The following PDGFD variants were observed in gnomAD, a reference collection of about 807,000 sequenced individuals.
PDGFD encodes the protein platelet-derived growth factor D.
In PDGFD, 30 loss-of-function variants were observed where a neutral mutation model predicts 44.7. The observed-to-expected ratio is 0.67, with a 90% CI of 0.50 to 0.91. PDGFD has a LOEUF of 0.91. Among genes scored for constraint, PDGFD ranks in the 40% least tolerant of loss-of-function variants. PDGFD has a pLI of 0.00. For synonymous variants in PDGFD, 173 were observed against 168.4 expected, an observed-to-expected ratio of 1.03 and a Z score of -0.21; for missense variants, 445 against 457.8, an observed-to-expected ratio of 0.97 and a Z score of 0.25.
intron 1 of PDGFD, among the ~76,000 whole-genome samples, chr11:104,089,060 T>A (rs1237581901): frequency 6.6e-6 from 1 of 152,312 alleles, no homozygotes; most frequent in African/African-American, 2.4e-5. Context: ...GATAAACATA[T>A]GAATCGTAAG....
intron 1 of PDGFD, among the ~76,000 whole-genome samples, chr11:104,141,057 C>T (rs1488428405): frequency 6.6e-6 from 1 of 152,190 alleles, no homozygotes; most frequent in Admixed American, 6.5e-5. Context: ...CTCTCTTCTT[C>T]TCCAAACACA....
chr11:103,919,502 CTTTTTTTTTTTT>C (rs71037206), intron 6 of PDGFD, among the ~76,000 whole-genome samples: 1 of 88,764 alleles, frequency 1.1e-5, no homozygotes. Context: ...AAGATTCTTC[CTTTTTTTTTTTT>C]TTTTTTTTTT....
At chr11:104,024,407 A>G (rs1860010285) in intron 1 of PDGFD, among the ~76,000 whole-genome samples, 1 of 152,188 alleles carries the variant, frequency 6.6e-6, no homozygotes, top group Admixed American at 6.6e-5. Flanking sequence ...CATATAAATA[A>G]CTGATACTTA....
chr11:104,009,873 A>C (rs1438391735), intron 1 of PDGFD, among the ~76,000 whole-genome samples: 1 of 152,150 alleles, frequency 6.6e-6, no homozygotes, highest in Non-Finnish European at 1.5e-5. Flanking sequence ...AACGCACTGA[A>C]GCTTGCAATC....
chr11:104,156,233 G>A (rs1417963666), intron 1 of PDGFD, among the ~76,000 whole-genome samples: 7 of 152,142 alleles, frequency 4.6e-5, no homozygotes, highest in Non-Finnish European at 7.4e-5. Context: ...TGTGCCTGCC[G>A]TCCCAGCTAC....
At chr11:103,970,487 A>C (rs1212982268) in intron 3 of PDGFD, among the ~76,000 whole-genome samples, 1 of 152,174 alleles carries the variant, frequency 6.6e-6, no homozygotes, top group Non-Finnish European at 1.5e-5. Context: ...GGATCTGTCC[A>C]GTGCATTGAT....
At chr11:104,132,487 T>A (rs935282330) in intron 1 of PDGFD, among the ~76,000 whole-genome samples, 4 of 152,032 alleles carry the variant, frequency 2.6e-5, no homozygotes, top group African/African-American at 9.7e-5. Flanking sequence ...CCTCTTTAAG[T>A]GGGGGCTCTT....
chr11:104,066,039 T>C (rs1031490588), intron 1 of PDGFD, among the ~76,000 whole-genome samples: 5 of 152,194 alleles, frequency 3.3e-5, no homozygotes, highest in South Asian at 4.1e-4. Flanking sequence ...GTGTCATATA[T>C]ACAAATTGTC....
At chr11:104,122,133 C>T (rs934663640) in intron 1 of PDGFD, among the ~76,000 whole-genome samples, 3 of 151,954 alleles carry the variant, frequency 2.0e-5, no homozygotes, top group Admixed American at 1.3e-4. Flanking sequence ...AAAGAGCAGC[C>T]TGAAAAATCA....
chr11:104,077,725 G>GA (rs138656891), intron 1 of PDGFD, among the ~76,000 whole-genome samples: 140 of 149,832 alleles, frequency 9.3e-4, no homozygotes, highest in Middle Eastern at 3.4e-3. Context: ...GCATAGCACA[G>GA]AAAAAAAAAA....
chr11:103,947,733 C>A lies in PDGFD; in HGVS notation c.511-9G>T. The A allele has an allele frequency of 1.9e-6, 3 of 1,609,990 alleles. No homozygotes were observed. The highest frequency in any genetic ancestry group is 2.6e-6 in the Non-Finnish European group (3 of 1,176,452). On this transcript the variant is annotated splice_polypyrimidine_tract_variant and intron_variant, in intron 3 of 6. Transcript: ENST00000393158. ...GCGGGTTGGAAATCTTCCTGGAAGG[C>A]AAAGAAACATCTGTGAGTCAGTCAA...
At chr11:104,147,356 T>C (rs927490158) in intron 1 of PDGFD, among the ~76,000 whole-genome samples, 5 of 152,146 alleles carry the variant, frequency 3.3e-5, no homozygotes, top group African/African-American at 1.2e-4. Context: ...CACAATCCAA[T>C]AAGGTATTTC....
At chr11:104,100,158 A>G (rs548752670) in intron 1 of PDGFD, among the ~76,000 whole-genome samples, 2 of 152,268 alleles carry the variant, frequency 1.3e-5, no homozygotes, top group Non-Finnish European at 2.9e-5. Flanking sequence ...CCTTTGCCAG[A>G]GGCAGCCCAC....
intron 3 of PDGFD, among the ~76,000 whole-genome samples, chr11:103,961,492 G>C (rs939878096): frequency 6.6e-6 from 1 of 152,108 alleles, no homozygotes; most frequent in African/African-American, 2.4e-5. Flanking sequence ...AAGCAGGCAG[G>C]TGAAGGAGAA....
intron 1 of PDGFD, among the ~76,000 whole-genome samples, chr11:104,075,493 A>T (rs1369151210): frequency 6.6e-6 from 1 of 151,676 alleles, no homozygotes; most frequent in Non-Finnish European, 1.5e-5. Context: ...TAGTTTTTAA[A>T]TTTTTTAAGT....
chr11:103,984,891 TATATA>T (rs1274996053), intron 3 of PDGFD, among the ~76,000 whole-genome samples: 2 of 141,278 alleles, frequency 1.4e-5, no homozygotes, highest in Non-Finnish European at 3.0e-5. Context: ...ATTTATTTAC[TATATA>T]ATATATTAAT....
intron 3 of PDGFD, among the ~76,000 whole-genome samples, chr11:103,955,532 C>T (rs112751422): frequency 6.6e-6 from 1 of 152,326 alleles, no homozygotes; most frequent in African/African-American, 2.4e-5. Context: ...CAAAACTTAA[C>T]AAGTATACTT....
chr11:103,927,123 T>A lies in PDGFD; in HGVS notation c.776A>T (p.Asp259Val). 1.2e-6 allele frequency: 2 copies of A among 1,613,894 alleles called. No individual in the cohort carries two copies. The highest frequency in any genetic ancestry group is 1.7e-6 in the Non-Finnish European group (2 of 1,179,836). ...GGCATCATCATTGAGCCTATCCAGG[T>A]CAACTGTAAGCAAATACATGCACTG... ...RSYHDRKSKV[D>V]LDRLNDDAKR... Residue 259 changes from aspartate (D) to valine (V), a missense_variant, in exon 6 of 7, where the codon GAC (aspartate) becomes GTC (valine). Coordinates refer to ENST00000393158, the MANE Select transcript of PDGFD (RefSeq NM_025208.5).
At chr11:104,160,130 G>T (rs999239839) in intron 1 of PDGFD, among the ~76,000 whole-genome samples, 1 of 152,066 alleles carries the variant, frequency 6.6e-6, no homozygotes, top group Non-Finnish European at 1.5e-5. Flanking sequence ...TATCATCAAC[G>T]ATGACAATAG....
Sources: allele counts gnomAD v4.1 joint callset (sites outside exome capture counted in the v4.1 genomes callset), GRCh38; gene constraint gnomAD v4.1.1; transcripts MANE v1.5; gene names NCBI Gene and HGNC (gene_info 2026-07-23, HGNC 2026-07-21).